The following ENPP6 variants were observed in gnomAD, a reference collection of about 807,000 sequenced individuals.
ENPP6 encodes glycerophosphocholine cholinephosphodiesterase ENPP6.
A neutral mutation model predicts 42.0 loss-of-function variants in ENPP6; 32 were observed. The observed-to-expected ratio is 0.76, with a 90% CI of 0.58 to 1.02. ENPP6 has a LOEUF of 1.02. ENPP6 is among the 50% of genes least tolerant of loss of function. The probability of loss-of-function intolerance (pLI) is 0.00; values close to 1 mark genes in which losing one functional copy is unlikely to be tolerated. For missense variants in ENPP6, 552 were observed against 566.8 expected (o/e 0.97, Z 0.27); for synonymous variants, 213 against 216.0 (o/e 0.99, Z 0.12).
chr4:184,135,671 C>T (rs1736719606), intron 2 of ENPP6, among the ~76,000 whole-genome samples: 1 of 131,496 alleles, frequency 7.6e-6, no homozygotes, highest in Non-Finnish European at 1.7e-5. Flanking sequence ...CAAAATTTAA[C>T]ATAGGTGCAA....
At chr4:184,111,980 T>G (rs1022692980) in intron 6 of ENPP6, among the ~76,000 whole-genome samples, 2 of 152,220 alleles carry the variant, frequency 1.3e-5, no homozygotes, top group African/African-American at 4.8e-5. Context: ...CATACTGCAA[T>G]TACTTTTGAA....
At chr4:184,122,576 G>T (rs533542161) in intron 3 of ENPP6, among the ~76,000 whole-genome samples, 1 of 152,150 alleles carries the variant, frequency 6.6e-6, no homozygotes, top group South Asian at 2.1e-4. Context: ...TAGACTGGCC[G>T]GTGCCAACCT....
At chr4:184,154,513 G>A (rs1208345800) in intron 1 of ENPP6, among the ~76,000 whole-genome samples, 1 of 152,190 alleles carries the variant, frequency 6.6e-6, no homozygotes, top group East Asian at 1.9e-4. Context: ...GCACCAGGAC[G>A]AAACATGCTT....
intron 1 of ENPP6, among the ~76,000 whole-genome samples, chr4:184,195,046 A>G (rs1732773050): frequency 6.6e-6 from 1 of 152,126 alleles, no homozygotes; most frequent in East Asian, 1.9e-4. Flanking sequence ...GGTAAAATAT[A>G]CGTAACACAA....
intron 3 of ENPP6, among the ~76,000 whole-genome samples, chr4:184,118,166 C>T (rs932230094): frequency 6.6e-6 from 1 of 152,232 alleles, no homozygotes; most frequent in East Asian, 1.9e-4. Flanking sequence ...TCCATAAAAT[C>T]TGTCCTTTGG....
intron 2 of ENPP6, among the ~76,000 whole-genome samples, chr4:184,133,609 C>T (rs1736680834): frequency 6.6e-6 from 1 of 152,080 alleles, no homozygotes; most frequent in Non-Finnish European, 1.5e-5. Flanking sequence ...GAAGGACCCT[C>T]CAGTTCAAAG....
intron 6 of ENPP6, among the ~76,000 whole-genome samples, chr4:184,103,942 G>A (rs1438521608): frequency 2.0e-5 from 3 of 152,178 alleles, no homozygotes; most frequent in South Asian, 2.1e-4. Flanking sequence ...ATCTGGCGAC[G>A]CAGACATTCT....
chr4:184,176,297 A>G (rs1160460777), intron 1 of ENPP6, among the ~76,000 whole-genome samples: 1 of 152,182 alleles, frequency 6.6e-6, no homozygotes, highest in Non-Finnish European at 1.5e-5. Context: ...CTAAGTCTAT[A>G]CCAAATAGGA....
chr4:184,102,947 C>T (rs1212902098), intron 6 of ENPP6, among the ~76,000 whole-genome samples: 1 of 152,282 alleles, frequency 6.6e-6, no homozygotes, highest in Non-Finnish European at 1.5e-5. Context: ...AGAAGCTGCT[C>T]ACCTGGCATC....
intron 6 of ENPP6, among the ~76,000 whole-genome samples, chr4:184,098,298 C>A (rs1296262811): frequency 6.6e-6 from 1 of 152,222 alleles, no homozygotes; most frequent in African/African-American, 2.4e-5. Flanking sequence ...GCCCCTTGAC[C>A]TGTGAGGCCC....
intron 4 of ENPP6, 100 bp from the exon 5 acceptor site, chr4:184,117,135 T>G (rs1171463539): frequency 2.2e-6 from 3 of 1,388,762 alleles, no homozygotes; most frequent in Non-Finnish European, 3.0e-6. Flanking sequence ...GGCTATCTCC[T>G]CAGTTCTGTG....
chr4:184,129,291 TACAC>T (rs60982411), intron 2 of ENPP6, among the ~76,000 whole-genome samples: 12,746 of 145,048 alleles, frequency 0.088, 659 homozygotes, highest in Admixed American at 0.18. Flanking sequence ...CCCCCCAACA[TACAC>T]ACACACACAC....
At chr4:184,172,164 G>A (rs374116456) in intron 1 of ENPP6, among the ~76,000 whole-genome samples, 1 of 152,130 alleles carries the variant, frequency 6.6e-6, no homozygotes, top group African/African-American at 2.4e-5. Context: ...AGCTGGTGTC[G>A]CAGAAAAAGG....
intron 1 of ENPP6, among the ~76,000 whole-genome samples, chr4:184,191,898 A>G (rs6552769): frequency 0.99 from 150,193 of 152,338 alleles, 74,072 homozygotes; most frequent in East Asian, 1. Flanking sequence ...ACGTCAAAAA[A>G]AATAAAACAT....
intron 2 of ENPP6, among the ~76,000 whole-genome samples, chr4:184,145,805 G>T (rs199547683): frequency 6.6e-6 from 1 of 152,334 alleles, no homozygotes; most frequent in East Asian, 1.9e-4. Flanking sequence ...GAAAACCTCC[G>T]ATAGATGTGC....
intron 2 of ENPP6, among the ~76,000 whole-genome samples, chr4:184,133,159 A>G (rs1408637715): frequency 7.9e-6 from 1 of 126,132 alleles, no homozygotes; most frequent in Admixed American, 7.7e-5. Context: ...CAACCTGTCA[A>G]TTCACACACA....
At chr4:184,146,992 T>C (rs1736937865) in intron 2 of ENPP6, among the ~76,000 whole-genome samples, 1 of 152,198 alleles carries the variant, frequency 6.6e-6, no homozygotes, top group Non-Finnish European at 1.5e-5. Context: ...TGACCTCTGA[T>C]GCGTCATTGA....
rs201982647 is a variant in ENPP6 at position 184,104,021 on chromosome 4, TC to T, written c.994-6654del. On this transcript the variant is annotated intron_variant, in intron 6 of 7. Transcript: ENST00000296741. Reference sequence around the variant, plus strand: ...GTTTCTTTCTTCTTTTCTTTTCTTTTCTTTTTTTGAATCACGTTGATTGCAG... The same window carrying T: ...GTTTCTTTCTTCTTTTCTTTTCTTTTTTTTTTTGAATCACGTTGATTGCAG... Among the ~76,000 whole-genome samples the T allele has an allele frequency of 3.6e-3, 533 of 149,216 alleles. 3 individuals carry two copies. Among genetic ancestry groups the T allele is most frequent in the African/African-American group, 9.8e-3 (404 of 41,028 alleles).
chr4:184,113,722 C>T (rs1034952398), intron 5 of ENPP6, among the ~76,000 whole-genome samples: 5 of 152,152 alleles, frequency 3.3e-5, no homozygotes, highest in African/African-American at 1.2e-4. Context: ...TACTTGTTTG[C>T]CATTAACTAC....
Sources: gnomAD v4.1 joint callset for allele counts (sites outside exome capture counted in the v4.1 genomes callset) on GRCh38, gnomAD v4.1.1 for gene constraint, MANE v1.5 for transcripts, NCBI Gene and HGNC (gene_info 2026-07-23, HGNC 2026-07-21) for gene names.